PACS1: variants seen among roughly 807,000 people sequenced by gnomAD.
PACS1 encodes PACS-1.
PACS1 carries 24 observed loss-of-function variants against 115.0 expected under a neutral mutation model. The ratio of observed to expected loss-of-function variants is 0.21; its 90% CI spans 0.15 to 0.29. The LOEUF (loss-of-function observed/expected upper bound fraction) is 0.29. Ranked by LOEUF, PACS1 falls within the 10% of genes least tolerant of loss-of-function variation. The pLI is 1.00. For missense variants in PACS1, 838 were observed against 1,251.2 expected, an observed-to-expected ratio of 0.67 and a Z score of 4.98; for synonymous variants, 453 against 504.5, an observed-to-expected ratio of 0.90 and a Z score of 1.37.
At chr11:66,218,222 C>T (rs1855258860) in intron 7 of PACS1, 1 of 152,154 alleles carries the variant, frequency 6.6e-6, no homozygotes, top group Admixed American at 6.5e-5. Flanking sequence ...ACCTATCAGC[C>T]TCGCAAGTTC....
intron 22 of PACS1, 127 bp downstream of exon 22, chr11:66,241,780 G>C: frequency 1.4e-6 from 1 of 724,130 alleles, no homozygotes; most frequent in Non-Finnish European, 2.3e-6. Flanking sequence ...CTGGCATGGG[G>C]TGCAGAGGGG....
At chr11:66,100,820 C>T (rs769212042) in intron 1 of PACS1, 1 of 456,300 alleles carries the variant, frequency 2.2e-6, no homozygotes. Context: ...TCCATGAGAA[C>T]TGTGGCTGGA....
At chr11:66,190,416 T>C (rs1042963744) in intron 1 of PACS1, among the ~76,000 whole-genome samples, 1 of 152,130 alleles carries the variant, frequency 6.6e-6, no homozygotes, top group South Asian at 2.1e-4. Context: ...ACTACATTTG[T>C]TTTTGTTTGT....
intron 10 of PACS1, among the ~76,000 whole-genome samples, chr11:66,224,359 C>T (rs766361616): frequency 3.9e-5 from 6 of 152,176 alleles, no homozygotes; most frequent in African/African-American, 7.2e-5. Context: ...CATGTTACCA[C>T]GCCTTTGCTT....
chr11:66,076,125 GT>G lies in PACS1; in HGVS notation c.356+5284del, dbSNP rs558262528. On this transcript the variant is annotated intron_variant, in intron 1 of 23. Coordinates refer to ENST00000320580, the MANE Select transcript of PACS1 (RefSeq NM_018026.4). ...GTAATAGAATATCATCTCTATCAGG[GT>G]AATAGTATCCATCGTCCCTGTGGAA... 6.6e-5 allele frequency among the ~76,000 whole-genome samples: 10 copies of G among 152,292 alleles called. No homozygotes were observed. In the East Asian group the frequency reaches 1.9e-3, roughly 29 times the overall value.
chr11:66,230,740 G>A (rs561011659), intron 12 of PACS1, 65 bp from the exon 13 acceptor site: 140 of 1,612,782 alleles, frequency 8.7e-5, no homozygotes, highest in African/African-American at 1.2e-4. Flanking sequence ...GAGGGAAAGC[G>A]GGGCTGGCAG....
At chr11:66,173,944 C>T (rs900896047) in intron 1 of PACS1, among the ~76,000 whole-genome samples, 27 of 151,808 alleles carry the variant, frequency 1.8e-4, no homozygotes, top group African/African-American at 5.1e-4. Flanking sequence ...CCCAGCTACT[C>T]AGGAAGCTGA....
intron 16 of PACS1, 79 bp downstream of exon 16, chr11:66,234,018 G>A: frequency 1.3e-6 from 2 of 1,573,188 alleles, no homozygotes; most frequent in Non-Finnish European, 1.7e-6. Context: ...AGGACGGTGG[G>A]GTTGGGGCCT....
chr11:66,230,081 A>G (rs562278883), intron 11 of PACS1, among the ~76,000 whole-genome samples: 1 of 151,190 alleles, frequency 6.6e-6, no homozygotes, highest in African/African-American at 2.4e-5. Context: ...TGAGGAAGGA[A>G]GGGAGAATCT....
Position 66,193,725 on chromosome 11 carries a change from G to A in PACS1, c.444+152G>A. On this transcript the variant is annotated intron_variant, in intron 2 of 23. Transcript: ENST00000320580. ...AGTGGAAAGATAACAGAGCTCACAG[G>A]ACCTTCTGAGCCCAGCTCTGCCTCT... is the stretch of plus-strand genomic sequence containing the variant. 7.1e-6 allele frequency: 4 copies of A among 566,758 alleles called. No homozygotes were observed. In the South Asian group the frequency reaches 1.0e-4, roughly 15 times the overall value. The allele number at this position is 566,758 out of a possible 1,614,324, so 35.1% of individuals were successfully genotyped here.
At chr11:66,099,861 T>A (rs1857873571) in intron 1 of PACS1, among the ~76,000 whole-genome samples, 1 of 151,534 alleles carries the variant, frequency 6.6e-6, no homozygotes, top group African/African-American at 2.4e-5. Context: ...CTGTTTTTGT[T>A]TTTTGAGATG....
intron 1 of PACS1, among the ~76,000 whole-genome samples, chr11:66,123,520 A>T (rs1318810827): frequency 1.4e-5 from 2 of 140,130 alleles, no homozygotes; most frequent in Admixed American, 1.4e-4. Flanking sequence ...TTTTTATTTT[A>T]TTTATTTATT....
At chr11:66,089,421 TTTA>T (rs1857621176) in intron 1 of PACS1, among the ~76,000 whole-genome samples, 1 of 152,242 alleles carries the variant, frequency 6.6e-6, no homozygotes, top group Non-Finnish European at 1.5e-5. Context: ...AGTGTTGCCA[TTTA>T]TTAATACAAC....
intron 10 of PACS1, among the ~76,000 whole-genome samples, chr11:66,224,869 G>A (rs1855440567): frequency 6.6e-6 from 1 of 152,200 alleles, no homozygotes; most frequent in South Asian, 2.1e-4. Flanking sequence ...TGGTTTCCTA[G>A]CACTGTTATT....
At chr11:66,170,868 C>T (rs1422881430) in intron 1 of PACS1, among the ~76,000 whole-genome samples, 1 of 144,844 alleles carries the variant, frequency 6.9e-6, no homozygotes, top group African/African-American at 2.7e-5. Context: ...CGAGATTGTG[C>T]TACTGCACTC....
At chr11:66,175,171 G>GAA (rs67984094) in intron 1 of PACS1, among the ~76,000 whole-genome samples, 4 of 149,726 alleles carry the variant, frequency 2.7e-5, no homozygotes, top group African/African-American at 9.9e-5. Flanking sequence ...GAAAAAAAAA[G>GAA]AAAAAAAAAT....
At chr11:66,175,360 T>C (rs1378562516) in intron 1 of PACS1, among the ~76,000 whole-genome samples, 1 of 152,172 alleles carries the variant, frequency 6.6e-6, no homozygotes, top group East Asian at 1.9e-4. Context: ...TCATTTTTCT[T>C]TACCCTCCCT....
At chr11:66,090,020 A>AAAG (rs1857632320) in intron 1 of PACS1, among the ~76,000 whole-genome samples, 1 of 151,210 alleles carries the variant, frequency 6.6e-6, no homozygotes, top group South Asian at 2.1e-4. Flanking sequence ...AAAAAAAAAA[A>AAAG]AAAAAGAAAT....
At chr11:66,071,127 TC>T (rs1293372189) in intron 1 of PACS1, among the ~76,000 whole-genome samples, 2 of 152,118 alleles carry the variant, frequency 1.3e-5, no homozygotes, top group Non-Finnish European at 2.9e-5. Context: ...AATCCGGCCT[TC>T]CTGGCAGTCA....
Sources: gnomAD v4.1 joint callset for allele counts (sites outside exome capture counted in the v4.1 genomes callset) on GRCh38, gnomAD v4.1.1 for gene constraint, MANE v1.5 for transcripts, NCBI Gene and HGNC (gene_info 2026-07-23, HGNC 2026-07-21) for gene names.